Variants in EYS observed in about 807,000 individuals in gnomAD.
The protein encoded by EYS is protein eyes shut homolog.
Under a neutral mutation model 282.1 loss-of-function variants are expected in EYS, and 250 were observed. The ratio of observed to expected loss-of-function variants is 0.89; its 90% CI spans 0.80 to 0.98. EYS has a LOEUF of 0.98. EYS is among the 50% of genes least tolerant of loss of function. The pLI, the probability that EYS is intolerant of heterozygous loss-of-function variation, is 0.00. For missense variants in EYS, 4,016 were observed against 3,709.0 expected (o/e 1.08, Z -2.15); for synonymous variants, 1,355 against 1,282.9 (o/e 1.06, Z -1.20).
At chr6:64,305,256 G>A (rs945023725) in intron 30 of EYS, among the ~76,000 whole-genome samples, 1 of 151,846 alleles carries the variant, frequency 6.6e-6, no homozygotes, top group Non-Finnish European at 1.5e-5. Context: ...ATTGCTGAAA[G>A]AAATAGAGAC....
At chr6:64,654,675 TAA>T (rs1435467263) in intron 22 of EYS, among the ~76,000 whole-genome samples, 2 of 152,214 alleles carry the variant, frequency 1.3e-5, no homozygotes, top group African/African-American at 4.8e-5. Flanking sequence ...TATTGTCTTT[TAA>T]ATACATGATT....
intron 31 of EYS, among the ~76,000 whole-genome samples, chr6:64,169,991 G>C (rs571226474): frequency 5.3e-5 from 8 of 152,088 alleles, no homozygotes; most frequent in Non-Finnish European, 8.8e-5. Context: ...GACCGATGAG[G>C]TTTCAATACT....
chr6:65,166,529 A>G (rs1581973681), intron 12 of EYS, among the ~76,000 whole-genome samples: 1 of 151,178 alleles, frequency 6.6e-6, no homozygotes, highest in Non-Finnish European at 1.5e-5. Flanking sequence ...ACAAAATACT[A>G]AAGTTGGACC....
chr6:65,133,923 A>G (rs1255994288), intron 12 of EYS, among the ~76,000 whole-genome samples: 1 of 71,662 alleles, frequency 1.4e-5, no homozygotes, highest in Non-Finnish European at 2.9e-5. Flanking sequence ...AATTTACAAG[A>G]AAAAAAAACC....
chr6:64,664,024 GA>G (rs1769141276), intron 22 of EYS, among the ~76,000 whole-genome samples: 1 of 152,336 alleles, frequency 6.6e-6, no homozygotes, highest in South Asian at 2.1e-4. Flanking sequence ...AAGCGCAGCA[GA>G]CACCCTGCCC....
At chr6:64,345,723 C>A (rs1411098280) in intron 29 of EYS, among the ~76,000 whole-genome samples, 3 of 152,096 alleles carry the variant, frequency 2.0e-5, no homozygotes, top group Non-Finnish European at 2.9e-5. Context: ...AACTAAAGAG[C>A]TTCTGCACAG....
chr6:64,760,981 T>C (rs1268802453), intron 22 of EYS, among the ~76,000 whole-genome samples: 3 of 152,206 alleles, frequency 2.0e-5, no homozygotes, highest in Non-Finnish European at 4.4e-5. Context: ...AGCATGTTTT[T>C]TGATAACTTT....
chr6:64,286,962 A>C (rs1582538075), intron 30 of EYS, among the ~76,000 whole-genome samples: 1 of 152,120 alleles, frequency 6.6e-6, no homozygotes, highest in East Asian at 1.9e-4. Context: ...TAATCTTAAC[A>C]AAATTGAAGT....
chr6:63,865,014 C>G (rs758801049), intron 35 of EYS, among the ~76,000 whole-genome samples: 6 of 152,128 alleles, frequency 3.9e-5, no homozygotes, highest in Non-Finnish European at 8.8e-5. Context: ...ATCCATTGCC[C>G]CATTTAAAGT....
At chr6:64,780,036 T>C (rs11970563) in intron 22 of EYS, among the ~76,000 whole-genome samples, 2,471 of 152,296 alleles carry the variant, frequency 0.016, 77 homozygotes, top group African/African-American at 0.056. Context: ...AACTCAAGAA[T>C]GAACACAATC....
At chr6:63,875,429 T>TTGG (rs1772941519) in intron 35 of EYS, among the ~76,000 whole-genome samples, 1 of 152,208 alleles carries the variant, frequency 6.6e-6, no homozygotes. Flanking sequence ...TGGTCTAAAA[T>TTGG]TCTCTTTTTT....
chr6:63,904,723 G>A (rs866944458), intron 35 of EYS, among the ~76,000 whole-genome samples: 3 of 152,298 alleles, frequency 2.0e-5, no homozygotes, highest in Middle Eastern at 6.8e-3. Context: ...ACTTGCATAA[G>A]TTTTGCCTGG....
At chr6:63,846,510 G>A (rs1229854758) in intron 36 of EYS, among the ~76,000 whole-genome samples, 1 of 152,196 alleles carries the variant, frequency 6.6e-6, no homozygotes, top group East Asian at 1.9e-4. Context: ...GGCCACTTTA[G>A]AATGGCAAAG....
intron 29 of EYS, among the ~76,000 whole-genome samples, chr6:64,353,448 A>G (rs1353619422): frequency 5.3e-5 from 8 of 151,762 alleles, no homozygotes; most frequent in Non-Finnish European, 3.0e-5. Flanking sequence ...ATGGCAATAC[A>G]GTCAACTTAA....
chr6:65,448,060 T>C (rs1321201236), intron 5 of EYS, among the ~76,000 whole-genome samples: 1 of 152,008 alleles, frequency 6.6e-6, no homozygotes, highest in Non-Finnish European at 1.5e-5. Flanking sequence ...TACTGGCAAT[T>C]TGGACAAATT....
intron 12 of EYS, among the ~76,000 whole-genome samples, chr6:65,135,993 T>C (rs938966833): frequency 5.9e-5 from 9 of 152,084 alleles, no homozygotes; most frequent in Admixed American, 6.6e-5. Flanking sequence ...GTAAATTTAA[T>C]GGAAACATTA....
intron 22 of EYS, among the ~76,000 whole-genome samples, chr6:64,762,542 C>A (rs567013190): frequency 2.4e-4 from 36 of 152,248 alleles, no homozygotes; most frequent in Admixed American, 2.2e-3. Context: ...TGATTAAATT[C>A]TACAAAAAAT....
At chr6:65,481,498 C>A (rs542642911) in intron 5 of EYS, among the ~76,000 whole-genome samples, 1 of 152,032 alleles carries the variant, frequency 6.6e-6, no homozygotes, top group Admixed American at 6.6e-5. Context: ...GTATACACTA[C>A]CTTGTTGGCA....
At chr6:64,223,706 A>G (rs1164712913) in intron 31 of EYS, among the ~76,000 whole-genome samples, 2 of 152,016 alleles carry the variant, frequency 1.3e-5, no homozygotes, top group Admixed American at 1.3e-4. Flanking sequence ...TACTTTATTT[A>G]TCTTTTATGT....
Sources: allele counts gnomAD v4.1 joint callset (sites outside exome capture counted in the v4.1 genomes callset), GRCh38; gene constraint gnomAD v4.1.1; transcripts MANE v1.5; gene names NCBI Gene and HGNC (gene_info 2026-07-23, HGNC 2026-07-21).